Variants in ATP5PF observed in about 807,000 individuals in gnomAD.
The protein encoded by ATP5PF is ATP synthase peripheral stalk subunit F6, mitochondrial.
Under a neutral mutation model 12.0 loss-of-function variants are expected in ATP5PF, and 7 were observed. That is an observed-to-expected ratio of 0.58 (90% CI 0.33 to 1.10). ATP5PF has a LOEUF of 1.10. Among genes scored for constraint, ATP5PF ranks in the 50% least tolerant of loss-of-function variants. The pLI, the probability that ATP5PF is intolerant of heterozygous loss-of-function variation, is 0.03. For missense variants in ATP5PF, 120 were observed against 127.7 expected (o/e 0.94, Z 0.29); for synonymous variants, 41 against 45.4 (o/e 0.90, Z 0.39).
At position 25,729,801 on chromosome 21, in the gene ATP5PF, T is replaced by C; in HGVS notation, c.-7A>G. On this transcript the variant is annotated splice_region_variant and 5_prime_UTR_variant, in exon 2 of 4. Transcript: ENST00000284971. ...AGAGCCTCTGAAGAATCATGCTGATTCTGTTACAGAAAACAAGCAGCAGAA... is the reference window on the plus strand; with the variant it reads ...AGAGCCTCTGAAGAATCATGCTGATCCTGTTACAGAAAACAAGCAGCAGAA... 1.2e-6 allele frequency: 2 copies of C among 1,610,364 alleles called. No homozygotes were observed. Among genetic ancestry groups the C allele is most frequent in the African/African-American group, 1.3e-5 (1 of 74,622 alleles).
chr21:25,734,582 C>A, intron 1 of ATP5PF: 1 of 432,210 alleles, frequency 2.3e-6, no homozygotes, highest in Non-Finnish European at 3.7e-6. Flanking sequence ...CCCAGCCAGG[C>A]TGCGGGCCCG....
In ATP5PF at chr21:25,734,250, G is replaced by C. The variant is rs892588579; in HGVS notation, c.-8+603C>G. On this transcript the variant is annotated intron_variant, in intron 1 of 3. Transcript: ENST00000284971. ...GTCTGACATGATCAGAAAGACTGGG[G>C]AAGGCAACAGTAAGAAAACACTAGT... 5.7e-6 allele frequency: 5 copies of C among 877,928 alleles called. No homozygotes were observed. The African/African-American group carries it at 9.1e-5, about 16-fold the overall frequency. The allele number at this position is 877,928 out of a possible 1,614,324, so 54.4% of individuals were successfully genotyped here.
chr21:25,735,216 TC>T (rs2034992308), upstream of ATP5PF: 1 of 590,736 alleles, frequency 1.7e-6, no homozygotes. Flanking sequence ...CCCCTCCGAG[TC>T]AGCGTCCTGT....
At chr21:25,732,218 G>T (rs1241191413) in intron 1 of ATP5PF, among the ~76,000 whole-genome samples, 1 of 152,162 alleles carries the variant, frequency 6.6e-6, no homozygotes, top group East Asian at 1.9e-4. Flanking sequence ...GGCTTATAAT[G>T]AGTACAAAGC....
At chr21:25,734,066 C>T (rs2034904609) in intron 1 of ATP5PF, among the ~76,000 whole-genome samples, 1 of 152,224 alleles carries the variant, frequency 6.6e-6, no homozygotes, top group African/African-American at 2.4e-5. Flanking sequence ...AAAACTTGTT[C>T]CTTCTCCTTT....
At chr21:25,729,079 A>G (rs925027112) in intron 2 of ATP5PF, among the ~76,000 whole-genome samples, 1 of 152,168 alleles carries the variant, frequency 6.6e-6, no homozygotes, top group Non-Finnish European at 1.5e-5. Context: ...TTGGACTTAC[A>G]TTATGTCATT....
At chr21:25,735,059 A>G (rs2034981037), upstream of ATP5PF, 5 of 1,198,496 alleles carry the variant, frequency 4.2e-6, no homozygotes, top group African/African-American at 6.1e-5. Flanking sequence ...AAACAGGAGG[A>G]GGAAGTGGAG....
chr21:25,725,214 T>C lies in ATP5PF; in HGVS notation c.289+12A>G. On this transcript the variant is annotated intron_variant, in intron 3 of 3. Transcript: ENST00000284971. ...CCCCCACAAGAATGAATCTGTGATTTATAAGACGTACCTTCAAATTTGAAG... is the reference window on the plus strand; with the variant it reads ...CCCCCACAAGAATGAATCTGTGATTCATAAGACGTACCTTCAAATTTGAAG... 1 of 1,596,558 alleles carries C rather than the reference T, an allele frequency of 6.3e-7. No homozygotes were observed. The highest frequency in any genetic ancestry group is 8.5e-7 in the Non-Finnish European group (1 of 1,175,048).
In ATP5PF at chr21:25,729,736, T is replaced by C; in HGVS notation, c.59A>G (p.His20Arg). The C allele has an allele frequency of 1.2e-6, 2 of 1,613,314 alleles. No individual in the cohort carries two copies. Among genetic ancestry groups the C allele is most frequent in the Non-Finnish European group, 1.7e-6 (2 of 1,179,760 alleles). Residue 20 changes from histidine (H) to arginine (R), a missense_variant, in exon 2 of 4, where the codon CAT becomes CGT. Transcript: ENST00000284971. ...SSVIRSAVSV[H>R]LRRNIGVTAV... ...TGTAACACCAATGTTCCTCCGCAAATGGACTGAGACGGCTGACCGAATGAC... is the reference window on the plus strand; with the variant it reads ...TGTAACACCAATGTTCCTCCGCAAACGGACTGAGACGGCTGACCGAATGAC...
At chr21:25,728,103 T>A (rs1209976767) in intron 2 of ATP5PF, among the ~76,000 whole-genome samples, 1 of 152,200 alleles carries the variant, frequency 6.6e-6, no homozygotes, top group Non-Finnish European at 1.5e-5. Context: ...CACTTTTACA[T>A]TACCACTGCT....
At chr21:25,735,093 G>A (rs977603631), upstream of ATP5PF, 3 of 841,962 alleles carry the variant, frequency 3.6e-6, no homozygotes, top group Non-Finnish European at 5.8e-6. Flanking sequence ...GGGTCCCCTG[G>A]CACAGCCTCC....
intron 1 of ATP5PF, among the ~76,000 whole-genome samples, chr21:25,734,141 T>A (rs1338210213): frequency 6.6e-6 from 1 of 152,236 alleles, no homozygotes; most frequent in Non-Finnish European, 1.5e-5. Context: ...CAGAAGATAG[T>A]CATTACACAA....
chr21:25,731,946 G>A (rs1356666399), intron 1 of ATP5PF, among the ~76,000 whole-genome samples: 3 of 152,136 alleles, frequency 2.0e-5, no homozygotes, highest in Non-Finnish European at 4.4e-5. Flanking sequence ...TATTTTAAGT[G>A]ACTTCATTGT....
upstream of ATP5PF, chr21:25,735,018 C>T: frequency 5.9e-6 from 9 of 1,520,884 alleles, no homozygotes; most frequent in South Asian, 3.6e-5. Flanking sequence ...AGACAGTCTG[C>T]GACCGGACGG....
chr21:25,734,903 C>G lies in ATP5PF; in HGVS notation c.-58G>C. On this transcript the variant is annotated 5_prime_UTR_variant, in exon 1 of 4. Transcript: ENST00000284971. ...AGCCTCCGCCGCCACCACCTCCGCT[C>G]TACTTCCGGCCCTGGCTCCGCCCCC... 6.4e-7 allele frequency: 1 copy of G among 1,562,728 alleles called. No individual in the cohort carries two copies. The highest frequency in any genetic ancestry group is 8.6e-7 in the Non-Finnish European group (1 of 1,156,790).
intron 1 of ATP5PF, chr21:25,734,469 T>C: frequency 2.4e-6 from 2 of 819,316 alleles, no homozygotes; most frequent in South Asian, 4.9e-5. Flanking sequence ...ATTTTTTCCC[T>C]CTTAATGGTA....
chr21:25,725,000 G>C (rs930468379), intron 3 of ATP5PF: 37 of 615,732 alleles, frequency 6.0e-5, no homozygotes, highest in Non-Finnish European at 6.5e-5. Context: ...TTCAAGATTG[G>C]GCAGTTCGAT....
At chr21:25,731,017 G>A (rs2034760356) in intron 1 of ATP5PF, among the ~76,000 whole-genome samples, 1 of 152,088 alleles carries the variant, frequency 6.6e-6, no homozygotes. Flanking sequence ...CGAGGCAGGT[G>A]GATCACTTGA....
At chr21:25,731,391 G>A (rs967476676) in intron 1 of ATP5PF, among the ~76,000 whole-genome samples, 1 of 119,532 alleles carries the variant, frequency 8.4e-6, no homozygotes, top group African/African-American at 3.3e-5. Flanking sequence ...CCACAGCCTG[G>A]TACAATTTCT....
Sources: allele counts gnomAD v4.1 joint callset (sites outside exome capture counted in the v4.1 genomes callset), GRCh38; gene constraint gnomAD v4.1.1; transcripts MANE v1.5; gene names NCBI Gene and HGNC (gene_info 2026-07-23, HGNC 2026-07-21).